The following CYTH1 variants were observed in gnomAD, a reference collection of about 807,000 sequenced individuals.
The protein encoded by CYTH1 is cytohesin 1, also known as cytohesin-1.
CYTH1 carries 18 observed loss-of-function variants against 61.8 expected under a neutral mutation model. The ratio of observed to expected loss-of-function variants is 0.29; its 90% confidence interval spans 0.20 to 0.43. CYTH1 has a LOEUF of 0.43. Ranked by LOEUF, CYTH1 falls within the 20% of genes least tolerant of loss-of-function variation. CYTH1 has a pLI of 1.00. For synonymous variants in CYTH1, 174 were observed against 184.3 expected, an observed-to-expected ratio of 0.94 and a Z score of 0.45; for missense variants, 336 against 510.5, an observed-to-expected ratio of 0.66 and a Z score of 3.29.
chr17:78,737,121 CTTCACTTT>C (rs2093323844), intron 1 of CYTH1, among the ~76,000 whole-genome samples: 1 of 152,200 alleles, frequency 6.6e-6, no homozygotes, highest in Non-Finnish European at 1.5e-5. Flanking sequence ...CTGTTTTTCT[CTTCACTTT>C]CAAGTACAGT....
intron 1 of CYTH1, among the ~76,000 whole-genome samples, chr17:78,761,064 G>A (rs549232409): frequency 2.6e-5 from 4 of 151,150 alleles, no homozygotes; most frequent in African/African-American, 7.3e-5. Context: ...TCGAACTCCC[G>A]ACCTTGTGAT....
chr17:78,703,476 G>C lies in CYTH1; in HGVS notation c.171-872C>G, dbSNP rs9914053. ...ATTTACTTATAATACTCCTACTGTAGGTACATATTTGAATTTTTAGTATAC... is the reference window on the plus strand; with the variant it reads ...ATTTACTTATAATACTCCTACTGTACGTACATATTTGAATTTTTAGTATAC... On this transcript the variant is annotated intron_variant, in intron 3 of 13. Transcript: ENST00000446868. 4.3e-3 allele frequency among the ~76,000 whole-genome samples: 646 copies of C among 150,842 alleles called. 6 individuals carry two copies. The highest frequency in any genetic ancestry group is 0.015 in the African/African-American group (607 of 40,968).
At chr17:78,703,181 A>G (rs1026138321) in intron 3 of CYTH1, among the ~76,000 whole-genome samples, 1 of 151,810 alleles carries the variant, frequency 6.6e-6, no homozygotes, top group Non-Finnish European at 1.5e-5. Flanking sequence ...TGGGAGGCCG[A>G]GGTGGGTGGA....
chr17:78,779,308 G>A (rs1302776029), intron 1 of CYTH1, among the ~76,000 whole-genome samples: 5 of 149,820 alleles, frequency 3.3e-5, no homozygotes, highest in African/African-American at 1.2e-4. Context: ...GCTGAGGCAG[G>A]AGAATCGCTT....
chr17:78,715,810 T>C (rs1319048105), intron 1 of CYTH1, among the ~76,000 whole-genome samples: 1 of 152,126 alleles, frequency 6.6e-6, no homozygotes, highest in Non-Finnish European at 1.5e-5. Flanking sequence ...TGGTCGCTGG[T>C]AGTTAACTTA....
intron 11 of CYTH1, among the ~76,000 whole-genome samples, chr17:78,688,188 C>T (rs969677075): frequency 1.3e-5 from 2 of 152,316 alleles, no homozygotes; most frequent in South Asian, 2.1e-4. Context: ...TGTCCAGTCA[C>T]GGCAGCCGCT....
At chr17:78,690,287 C>T (rs914457357) in intron 11 of CYTH1, among the ~76,000 whole-genome samples, 7 of 149,296 alleles carry the variant, frequency 4.7e-5, no homozygotes, top group South Asian at 4.2e-4. Flanking sequence ...CCAGCTACTC[C>T]GGAGGCCGAG....
At chr17:78,680,445 C>T in intron 12 of CYTH1, 101 bp from the exon 13 acceptor site, 1 of 1,289,950 alleles carries the variant, frequency 7.8e-7, no homozygotes, top group Non-Finnish European at 1.1e-6. Context: ...CTGACCTTCA[C>T]AAAATACAAG....
intron 12 of CYTH1, 56 bp downstream of exon 12, chr17:78,680,915 T>A: frequency 6.4e-7 from 1 of 1,564,764 alleles, no homozygotes; most frequent in Non-Finnish European, 8.7e-7. Flanking sequence ...TTAAAAAAAA[T>A]CTTTGAAATG....
At chr17:78,730,964 C>T (rs900585577) in intron 1 of CYTH1, among the ~76,000 whole-genome samples, 5 of 151,998 alleles carry the variant, frequency 3.3e-5, no homozygotes, top group South Asian at 2.1e-4. Flanking sequence ...GCGCTCGGCA[C>T]GAAATTATCT....
rs887977311 is a variant in CYTH1 at position 78,756,826 on chromosome 17, A to T, written c.22+25376T>A. ...TCGGTGACAGAGCAAGATCTCATTTAAAAAAAAAAAAGCCTTCATAATCAC... is the reference window on the plus strand; with the variant it reads ...TCGGTGACAGAGCAAGATCTCATTTTAAAAAAAAAAAGCCTTCATAATCAC... On this transcript the variant is annotated intron_variant, in intron 1 of 13. Transcript: ENST00000446868. 6.4e-5 allele frequency among the ~76,000 whole-genome samples: 9 copies of T among 141,492 alleles called. No homozygotes were observed. In the South Asian group the frequency reaches 8.9e-4, roughly 14 times the overall value. The allele number at this position is 141,492 out of a possible 152,430, so 92.8% of individuals were successfully genotyped here.
chr17:78,743,072 C>G (rs956084300), intron 1 of CYTH1, among the ~76,000 whole-genome samples: 5 of 151,572 alleles, frequency 3.3e-5, no homozygotes, highest in East Asian at 3.9e-4. Context: ...TTCCTTGGCA[C>G]TTAAAAAAAG....
At chr17:78,698,561 A>T (rs1217880005) in intron 8 of CYTH1, among the ~76,000 whole-genome samples, 181 bp from the exon 9 acceptor site, 2 of 152,178 alleles carry the variant, frequency 1.3e-5, no homozygotes, top group Non-Finnish European at 2.9e-5. Context: ...AAAATAAATA[A>T]GCCTTCCCAA....
Position 78,690,294 on chromosome 17 carries a change from C to T in CYTH1, c.891+2123G>A, listed in dbSNP as rs528813153. On this transcript the variant is annotated intron_variant, in intron 11 of 13. Coordinates refer to ENST00000446868, the MANE Select transcript of CYTH1 (RefSeq NM_004762.6). ...CTGTAGTCCCAGCTACTCCGGAGGC[C>T]GAGGCAGGAGAATGGCGTGAGCCCG... 1.6e-3 allele frequency among the ~76,000 whole-genome samples: 232 copies of T among 143,952 alleles called. 1 individual carries two copies. The Middle Eastern group carries it at 0.023, about 14-fold the overall frequency. 94.4% of individuals were successfully genotyped at this position (143,952 alleles called of 152,430 possible).
At chr17:78,688,196 G>A (rs995471359) in intron 11 of CYTH1, among the ~76,000 whole-genome samples, 9 of 152,076 alleles carry the variant, frequency 5.9e-5, no homozygotes, top group African/African-American at 1.2e-4. Flanking sequence ...CACGGCAGCC[G>A]CTCCATCCAT....
At chr17:78,709,344 C>T in intron 2 of CYTH1, 1 of 295,792 alleles carries the variant, frequency 3.4e-6, no homozygotes, top group Non-Finnish European at 6.2e-6. Context: ...CTCATCCACT[C>T]TGCTCCGCAA....
intron 1 of CYTH1, among the ~76,000 whole-genome samples, chr17:78,765,340 G>T (rs2093444382): frequency 6.6e-6 from 1 of 151,966 alleles, no homozygotes; most frequent in African/African-American, 2.4e-5. Flanking sequence ...TTTCTTTTGG[G>T]ATATCATAAA....
chr17:78,736,690 A>C (rs752148173), intron 1 of CYTH1: 3 of 407,502 alleles, frequency 7.4e-6, no homozygotes, highest in African/African-American at 2.1e-5. Context: ...GCTTTGACTC[A>C]CCGTCCTCCT....
intron 1 of CYTH1, among the ~76,000 whole-genome samples, chr17:78,712,392 C>A (rs537146065): frequency 6.6e-6 from 1 of 152,164 alleles, no homozygotes; most frequent in East Asian, 1.9e-4. Flanking sequence ...GTGGCTCACA[C>A]CTGTAATCTC....
Sources: gnomAD v4.1 joint callset for allele counts (sites outside exome capture counted in the v4.1 genomes callset) on GRCh38, gnomAD v4.1.1 for gene constraint, MANE v1.5 for transcripts, NCBI Gene and HGNC (gene_info 2026-07-23, HGNC 2026-07-21) for gene names.